EQTN: variants seen among roughly 807,000 people sequenced by gnomAD.
EQTN encodes Acrosome formation associated factor.
A neutral mutation model predicts 26.9 loss-of-function variants in EQTN; 29 were observed. That is an observed-to-expected ratio of 1.08 (90% CI 0.80 to 1.47). EQTN has a LOEUF of 1.47. Among genes scored for constraint, EQTN ranks in the 40% most tolerant of loss-of-function variants. EQTN has a pLI of 0.00. For missense variants in EQTN, 391 were observed against 346.1 expected (o/e 1.13, Z -1.03); for synonymous variants, 129 against 120.0 (o/e 1.07, Z -0.49).
chr9:27,289,661 T>A lies in EQTN; in HGVS notation c.481+11A>T. ...CACTGCACCCAGTCAATTGAAATAT[T>A]TTGTTCTTACCTGGAATTGGGTGAA... On this transcript the variant is annotated intron_variant, in intron 6 of 7. Transcript: ENST00000380032. 1.2e-6 allele frequency: 2 copies of A among 1,600,542 alleles called. No individual in the cohort carries two copies. Among genetic ancestry groups the A allele is most frequent in the Non-Finnish European group, 1.7e-6 (2 of 1,172,692 alleles).
Position 27,296,986 on chromosome 9 carries a change from T to G in EQTN, c.70A>C (p.Ile24Leu). Residue 24 changes from isoleucine (I) to leucine (L), a missense_variant, in exon 1 of 8, where the codon ATT (isoleucine) becomes CTT (leucine). Physicochemically the swap from Ile to Leu is conservative, Grantham distance 5. Transcript: ENST00000380032. ...SLKSSTLKPT[I>L]EALPNVLPLN... ...GTTTTAAATGCTCTCTCACCTTCAA[T>G]AGTAGGCTTCAAAGTGCTACTTTTT... 1 of 1,612,308 alleles carries G rather than the reference T, an allele frequency of 6.2e-7. No homozygotes were observed. The highest frequency in any genetic ancestry group is 8.5e-7 in the Non-Finnish European group (1 of 1,179,240).
intron 7 of EQTN, 121 bp downstream of exon 7, chr9:27,286,088 A>AT: frequency 2.0e-6 from 2 of 1,006,984 alleles, no homozygotes; most frequent in Non-Finnish European, 2.9e-6. Flanking sequence ...AATGGAATCA[A>AT]TTTGAATGTC....
chr9:27,293,122 A>T (rs994282685), intron 3 of EQTN, among the ~76,000 whole-genome samples: 1 of 152,156 alleles, frequency 6.6e-6, no homozygotes, highest in Non-Finnish European at 1.5e-5. Context: ...ATAAAGTTCC[A>T]TACGGAGTAC....
rs1041312841 is a variant in EQTN, at chr9:27,296,749, G to A, written c.77-11C>T. On this transcript the variant is annotated splice_polypyrimidine_tract_variant and intron_variant, in intron 1 of 7. Transcript: ENST00000380032. ...GCACATTAGGCAATGCTAAAAAAAA[G>A]TATCACACACCATAGATCAGAAATA... is the stretch of plus-strand genomic sequence containing the variant. The A allele has an allele frequency of 2.5e-6, 4 of 1,599,984 alleles. No homozygotes were observed. Among genetic ancestry groups the A allele is most frequent in the Non-Finnish European group, 3.4e-6 (4 of 1,176,722 alleles).
Position 27,292,444 on chromosome 9 carries a change from T to C in EQTN, c.333A>G (p.Glu111=). The change falls in exon 4 of 8, where the codon GAA becomes GAG. Residue 111 remains glutamate (E), a synonymous_variant. Transcript: ENST00000380032. ...NATTYEKSTI[E]EETTTSEPSH... Reference sequence around the variant, plus strand: ...AGGGTTCGCTAGTAGTTGTTTCTTCTTCAATGGTGGATTTTTCATATGTAG... The same window carrying C: ...AGGGTTCGCTAGTAGTTGTTTCTTCCTCAATGGTGGATTTTTCATATGTAG... 3.7e-6 allele frequency: 6 copies of C among 1,609,716 alleles called. No individual in the cohort carries two copies. Among genetic ancestry groups the C allele is most frequent in the Non-Finnish European group, 5.1e-6 (6 of 1,177,792 alleles).
At chr9:27,285,434 G>C (rs1172634973) in intron 7 of EQTN, among the ~76,000 whole-genome samples, 3 of 152,032 alleles carry the variant, frequency 2.0e-5, no homozygotes, top group Admixed American at 2.0e-4. Context: ...GAGCCACCAC[G>C]CCCGGCCTAG....
At chr9:27,285,181 A>G (rs1390772276) in intron 7 of EQTN, among the ~76,000 whole-genome samples, 3 of 111,264 alleles carry the variant, frequency 2.7e-5, no homozygotes, top group Non-Finnish European at 4.9e-5. Flanking sequence ...ATCTCACTCT[A>G]TCTCCAGGCT....
chr9:27,292,456 T>C lies in EQTN; in HGVS notation c.321A>G (p.Lys107=). 1 of 1,609,024 alleles carries C rather than the reference T, an allele frequency of 6.2e-7. No individual in the cohort carries two copies. The highest frequency in any genetic ancestry group is 8.5e-7 in the Non-Finnish European group (1 of 1,177,570). The change falls in exon 4 of 8, where the codon AAA becomes AAG. Residue 107 remains lysine (K), a synonymous_variant. Coordinates refer to ENST00000380032, the MANE Select transcript of EQTN (RefSeq NM_020641.3). ...DKTVNATTYE[K]STIEEETTTS... is the part of the protein sequence containing the mutation. The stretch of plus-strand genomic sequence containing the variant: ...TAGTTGTTTCTTCTTCAATGGTGGA[T>C]TTTTCATATGTAGTTGCATTGACAG...
rs1387877301 is a variant in EQTN at position 27,284,673 on chromosome 9, A to G, written c.*50T>C. 3.2e-6 allele frequency: 5 copies of G among 1,558,640 alleles called. No individual in the cohort carries two copies. The highest frequency in any genetic ancestry group is 3.5e-6 in the Non-Finnish European group (4 of 1,153,624). On this transcript the variant is annotated 3_prime_UTR_variant, in exon 8 of 8. Transcript: ENST00000380032. ...AAGGTCTTTTGATGACAAAATAATT[A>G]AAGTTATTTATTCATCAATAAGATT...
In EQTN at chr9:27,297,000, G is replaced by C. The variant is rs766776140; in HGVS notation, c.56C>G (p.Thr19Ser). 1 of 1,611,504 alleles carries C rather than the reference G, an allele frequency of 6.2e-7. No individual in the cohort carries two copies. The highest frequency in any genetic ancestry group is 1.3e-5 in the African/African-American group (1 of 74,636). ...CTCACCTTCAATAGTAGGCTTCAAA[G>C]TGCTACTTTTTAAGGAAAAAACTCC... ...IPGVFSLKSS[T>S]LKPTIEALPN... Residue 19 changes from threonine (T) to serine (S), a missense_variant, in exon 1 of 8, where the codon ACT becomes AGT. Transcript: ENST00000380032.
At chr9:27,286,433 A>AG (rs1820125581) in intron 6 of EQTN, 71 bp from the exon 7 acceptor site, 3 of 1,451,600 alleles carry the variant, frequency 2.1e-6, no homozygotes, top group Non-Finnish European at 1.9e-6. Flanking sequence ...AAGATTGCAA[A>AG]GCAAATACAG....
rs183479408 is a variant in EQTN at position 27,296,135 on chromosome 9, T to C, written c.202+478A>G. On this transcript the variant is annotated intron_variant, in intron 2 of 7. Coordinates refer to ENST00000380032, the MANE Select transcript of EQTN (RefSeq NM_020641.3). ...GGGCAACATGATGAAACACCGTTTC[T>C]ACAAAAAAAATACAAAAATTAGCTT... Among the ~76,000 whole-genome samples, 193 of 152,102 alleles carry C rather than the reference T, an allele frequency of 1.3e-3. 1 individual carries two copies. Among genetic ancestry groups the C allele is most frequent in the African/African-American group, 4.5e-3 (188 of 41,486 alleles).
At chr9:27,292,813 C>T (rs971494915) in intron 3 of EQTN, among the ~76,000 whole-genome samples, 5 of 152,088 alleles carry the variant, frequency 3.3e-5, no homozygotes, top group South Asian at 2.1e-4. Flanking sequence ...CAGATGGTTC[C>T]CTGCACAGGC....
rs776163847 is a variant in EQTN at position 27,284,661 on chromosome 9, G to A, written c.*62C>T. Reference sequence around the variant, plus strand: ...AAGACATAAAGAAAGGTCTTTTGATGACAAAATAATTAAAGTTATTTATTC... The same window carrying A: ...AAGACATAAAGAAAGGTCTTTTGATAACAAAATAATTAAAGTTATTTATTC... On this transcript the variant is annotated 3_prime_UTR_variant, in exon 8 of 8. Coordinates refer to ENST00000380032, the MANE Select transcript of EQTN (RefSeq NM_020641.3). 2.6e-6 allele frequency: 4 copies of A among 1,534,474 alleles called. No individual in the cohort carries two copies. The highest frequency in any genetic ancestry group is 1.3e-5 in the South Asian group (1 of 78,450).
intron 2 of EQTN, chr9:27,294,643 G>T: frequency 3.3e-6 from 1 of 302,026 alleles, no homozygotes; most frequent in Admixed American, 4.9e-5. Flanking sequence ...AGCAATTTTT[G>T]GAGAAATTTG....
intron 4 of EQTN, 72 bp from the exon 5 acceptor site, chr9:27,291,135 G>T (rs57396932): frequency 0.28 from 389,435 of 1,381,700 alleles, 59,209 homozygotes; most frequent in African/African-American, 0.48. Flanking sequence ...TTAGTTTGAG[G>T]AACATTCGTT....
At chr9:27,290,966 A>C (rs1820222232) in intron 5 of EQTN, 53 bp downstream of exon 5, 5 of 1,529,314 alleles carry the variant, frequency 3.3e-6, no homozygotes, top group Admixed American at 1.8e-5. Context: ...AGCTCTAAGT[A>C]AGATTTTAGA....
chr9:27,294,527 C>T (rs1056368534), intron 2 of EQTN, 125 bp from the exon 3 acceptor site: 2 of 432,396 alleles, frequency 4.6e-6, no homozygotes, highest in Non-Finnish European at 7.9e-6. Context: ...AAGTTATAGT[C>T]ATTTTTTTTT....
intron 2 of EQTN, among the ~76,000 whole-genome samples, chr9:27,296,390 G>A (rs1321837760): frequency 6.6e-6 from 1 of 152,016 alleles, no homozygotes; most frequent in Non-Finnish European, 1.5e-5. Flanking sequence ...TACTTTTACC[G>A]TAAAAAGGAT....
Sources: allele counts gnomAD v4.1 joint callset (sites outside exome capture counted in the v4.1 genomes callset), GRCh38; gene constraint gnomAD v4.1.1; transcripts MANE v1.5; gene names NCBI Gene and HGNC (gene_info 2026-07-23, HGNC 2026-07-21).